Variants in SIPA1L1 observed in about 807,000 individuals in gnomAD.
SIPA1L1 encodes signal-induced proliferation-associated 1-like protein 1.
A neutral mutation model predicts 162.7 loss-of-function variants in SIPA1L1; 26 were observed. That is an observed-to-expected ratio of 0.16 (90% CI 0.12 to 0.22). The LOEUF (loss-of-function observed/expected upper bound fraction) is 0.22, where lower values mean the gene tolerates loss of function less well. SIPA1L1 is among the 10% of genes least tolerant of loss of function. The probability of loss-of-function intolerance (pLI) is 1.00; values close to 1 mark genes in which losing one functional copy is unlikely to be tolerated. For synonymous variants in SIPA1L1, 829 were observed against 837.4 expected (o/e 0.99, Z 0.17); for missense variants, 1,874 against 2,241.0 (o/e 0.84, Z 3.31).
chr14:71,459,024 A>G (rs915105287), intron 2 of SIPA1L1, among the ~76,000 whole-genome samples: 9 of 151,872 alleles, frequency 5.9e-5, no homozygotes, highest in Admixed American at 4.6e-4. Context: ...GTGAGCCAAG[A>G]TCATGTCACT....
At chr14:71,372,303 T>C (rs1257806363) in intron 2 of SIPA1L1, among the ~76,000 whole-genome samples, 1 of 152,174 alleles carries the variant, frequency 6.6e-6, no homozygotes, top group Non-Finnish European at 1.5e-5. Context: ...CATTCTGCTC[T>C]GAACAATACA....
chr14:71,594,323 C>G (rs1281088996), intron 5 of SIPA1L1, among the ~76,000 whole-genome samples: 2 of 152,114 alleles, frequency 1.3e-5, no homozygotes, highest in Admixed American at 1.3e-4. Context: ...CATTAAATAG[C>G]TGTTATAAAT....
intron 2 of SIPA1L1, among the ~76,000 whole-genome samples, chr14:71,416,823 T>A (rs1357992770): frequency 1.3e-5 from 2 of 152,164 alleles, no homozygotes; most frequent in Non-Finnish European, 2.9e-5. Context: ...CATTCTTTTT[T>A]AAATTATTTT....
At chr14:71,407,475 A>G (rs1393888487) in intron 2 of SIPA1L1, among the ~76,000 whole-genome samples, 1 of 58,104 alleles carries the variant, frequency 1.7e-5, no homozygotes, top group Non-Finnish European at 3.3e-5. Context: ...CCTTCCCTCC[A>G]TTCCCTTCCC....
intron 5 of SIPA1L1, among the ~76,000 whole-genome samples, chr14:71,605,458 A>G (rs138867744): frequency 6.6e-5 from 10 of 152,158 alleles, no homozygotes; most frequent in South Asian, 2.1e-4. Context: ...CATGGTTTCT[A>G]TGTCCTTACA....
chr14:71,637,665 A>G (rs1400677142), intron 7 of SIPA1L1, among the ~76,000 whole-genome samples: 4 of 152,148 alleles, frequency 2.6e-5, no homozygotes, highest in Non-Finnish European at 5.9e-5. Context: ...TGGAGGCTTC[A>G]GTGAACCATG....
At chr14:71,402,798 ATTACT>A (rs2041770940) in intron 2 of SIPA1L1, among the ~76,000 whole-genome samples, 1 of 152,196 alleles carries the variant, frequency 6.6e-6, no homozygotes, top group African/African-American at 2.4e-5. Context: ...TATAAGGGAA[ATTACT>A]TAATTGGAAG....
chr14:71,672,391 G>A lies in SIPA1L1; in HGVS notation c.2873G>A (p.Arg958Lys). ...GAATCGGTGGAGATGACTCTGCGAA[G>A]AAATGGGCTAGGACAGCTTGGCTTC... ...GCESVEMTLR[R>K]NGLGQLGFHV... The change falls in exon 12 of 24, where the codon AGA becomes AAA. Residue 958 changes from arginine to lysine, a missense_variant. Physicochemically the swap from Arg to Lys is conservative, Grantham distance 26 (BLOSUM62 2). Around this residue, in one of 5 missense-constraint regions of SIPA1L1, gnomAD observed 10 missense variants for 28.9 expected, o/e 0.35. Transcript: ENST00000381232. 6.2e-7 allele frequency: 1 copy of A among 1,614,224 alleles called. No homozygotes were observed. The highest frequency in any genetic ancestry group is 8.5e-7 in the Non-Finnish European group (1 of 1,180,036).
intron 15 of SIPA1L1, among the ~76,000 whole-genome samples, chr14:71,704,071 G>C (rs2082278065): frequency 6.6e-6 from 1 of 152,060 alleles, no homozygotes; most frequent in Non-Finnish European, 1.5e-5. Flanking sequence ...GGTCCAAGTG[G>C]TGGCCTTTCA....
chr14:71,603,184 T>C (rs539157092), intron 5 of SIPA1L1, among the ~76,000 whole-genome samples: 67 of 152,322 alleles, frequency 4.4e-4, no homozygotes, highest in Admixed American at 1.2e-3. Flanking sequence ...TGGTTTCCAT[T>C]TCCATGGAAT....
intron 2 of SIPA1L1, among the ~76,000 whole-genome samples, chr14:71,473,240 G>T (rs182906494): frequency 1.4e-3 from 211 of 151,410 alleles, no homozygotes; most frequent in Non-Finnish European, 2.5e-3. Context: ...TTTAATTAAA[G>T]GTACATATAA....
chr14:71,563,703 T>A (rs1291326733), intron 4 of SIPA1L1, among the ~76,000 whole-genome samples: 1 of 152,210 alleles, frequency 6.6e-6, no homozygotes, highest in Non-Finnish European at 1.5e-5. Context: ...GCACACACTA[T>A]CTTCTTTACT....
chr14:71,704,806 T>A, intron 15 of SIPA1L1: 2 of 1,558,862 alleles, frequency 1.3e-6, no homozygotes, highest in African/African-American at 1.4e-5. Context: ...CAAAGTGTCA[T>A]GGTAAGTAAC....
chr14:71,324,908 G>C (rs1325474252), intron 2 of SIPA1L1, among the ~76,000 whole-genome samples: 1 of 152,118 alleles, frequency 6.6e-6, no homozygotes. Context: ...ACATAAAACA[G>C]GAACGTGTAG....
intron 2 of SIPA1L1, among the ~76,000 whole-genome samples, chr14:71,470,411 A>T (rs1178062983): frequency 6.6e-6 from 1 of 152,214 alleles, no homozygotes; most frequent in Non-Finnish European, 1.5e-5. Flanking sequence ...GCAGCGCCCA[A>T]ACTTTTTAAG....
intron 7 of SIPA1L1, among the ~76,000 whole-genome samples, chr14:71,642,643 A>G (rs2041828631): frequency 6.6e-6 from 1 of 152,238 alleles, no homozygotes; most frequent in Non-Finnish European, 1.5e-5. Flanking sequence ...CCAGCACCCA[A>G]CAAGGTAATA....
At chr14:71,607,851 C>T (rs1280716099) in intron 5 of SIPA1L1, among the ~76,000 whole-genome samples, 1 of 152,260 alleles carries the variant, frequency 6.6e-6, no homozygotes, top group East Asian at 1.9e-4. Flanking sequence ...TTTCCATATT[C>T]CAGTGAGTTT....
intron 2 of SIPA1L1, among the ~76,000 whole-genome samples, chr14:71,398,604 T>A (rs191859848): frequency 5.9e-5 from 9 of 152,308 alleles, no homozygotes; most frequent in Admixed American, 5.2e-4. Flanking sequence ...GATTTGATGA[T>A]CATCTTTGTA....
chr14:71,502,258 A>AG (rs2050314437), intron 2 of SIPA1L1, among the ~76,000 whole-genome samples: 1 of 99,946 alleles, frequency 1.0e-5, no homozygotes, highest in Non-Finnish European at 2.4e-5. Flanking sequence ...AAAAAAAAAT[A>AG]TATATATATA....
Sources: gnomAD v4.1 joint callset for allele counts (sites outside exome capture counted in the v4.1 genomes callset) on GRCh38, gnomAD v4.1.1 for gene constraint, gnomAD v4.1.1 regional missense constraint, MANE v1.5 for transcripts, NCBI Gene and HGNC (gene_info 2026-07-23, HGNC 2026-07-21) for gene names.